The following MCTP2 variants were observed in gnomAD, a reference collection of about 807,000 sequenced individuals.
MCTP2 encodes multiple C2 and transmembrane domain containing 2.
In MCTP2, 132 loss-of-function variants were observed where a neutral mutation model predicts 111.6. The observed-to-expected ratio is 1.18, with a 90% CI of 1.03 to 1.37. MCTP2 has a LOEUF of 1.37. Ranked by LOEUF, MCTP2 falls within the 40% of genes most tolerant of loss-of-function variation. The probability of loss-of-function intolerance (pLI) is 0.00; values close to 1 mark genes in which losing one functional copy is unlikely to be tolerated. For missense variants in MCTP2, 1,183 were observed against 1,067.9 expected (o/e 1.11, Z -1.50); for synonymous variants, 395 against 387.7 (o/e 1.02, Z -0.22).
At chr15:94,248,149 G>T (rs2072151307) in intron 1 of MCTP2, among the ~76,000 whole-genome samples, 1 of 152,158 alleles carries the variant, frequency 6.6e-6, no homozygotes, top group African/African-American at 2.4e-5. Flanking sequence ...ACTTGTTAAG[G>T]AGGTGATTCC....
intron 1 of MCTP2, among the ~76,000 whole-genome samples, chr15:94,294,808 C>T (rs567100198): frequency 5.0e-4 from 76 of 152,254 alleles, no homozygotes; most frequent in African/African-American, 1.8e-3. Flanking sequence ...TGCACAGTAA[C>T]ACCAGGGAGA....
chr15:94,335,662 T>A (rs1370413998), intron 4 of MCTP2, among the ~76,000 whole-genome samples: 1 of 152,272 alleles, frequency 6.6e-6, no homozygotes, highest in African/African-American at 2.4e-5. Flanking sequence ...TAGTATTGTT[T>A]GTACTAGTTA....
chr15:94,245,403 TA>T (rs2071821856), intron 1 of MCTP2, among the ~76,000 whole-genome samples: 1 of 55,424 alleles, frequency 1.8e-5, no homozygotes, highest in Non-Finnish European at 4.7e-5. Context: ...TACATGTGTG[TA>T]TATATTTATA....
At chr15:94,410,612 T>C (rs1330105323) in intron 17 of MCTP2, among the ~76,000 whole-genome samples, 3 of 152,210 alleles carry the variant, frequency 2.0e-5, no homozygotes, top group Admixed American at 2.0e-4. Context: ...TCATGTGTTA[T>C]ATAGTTATGC....
At chr15:94,253,817 A>C (rs2072596312) in intron 1 of MCTP2, among the ~76,000 whole-genome samples, 1 of 152,060 alleles carries the variant, frequency 6.6e-6, no homozygotes, top group Non-Finnish European at 1.5e-5. Flanking sequence ...CACAAGTGTA[A>C]CCATTAAACT....
intron 6 of MCTP2, 38 bp from the exon 7 acceptor site, chr15:94,340,775 A>G (rs2077595959): frequency 2.3e-6 from 3 of 1,313,492 alleles, no homozygotes. Flanking sequence ...CAGTCCTGTC[A>G]ATAAGTGGTA....
chr15:94,288,635 A>T (rs1354100860), intron 1 of MCTP2, among the ~76,000 whole-genome samples: 2 of 152,376 alleles, frequency 1.3e-5, no homozygotes, highest in African/African-American at 4.8e-5. Context: ...CAAAATGTCC[A>T]AGGTATAATT....
intron 4 of MCTP2, 27 bp from the exon 5 acceptor site, chr15:94,339,263 C>G: frequency 6.5e-7 from 1 of 1,539,958 alleles, no homozygotes; most frequent in Non-Finnish European, 8.8e-7. Context: ...TTTTAAAATT[C>G]TGTCTTGTTT....
chr15:94,476,170 A>G (rs1255910725), intron 21 of MCTP2, among the ~76,000 whole-genome samples: 2 of 152,142 alleles, frequency 1.3e-5, no homozygotes, highest in Non-Finnish European at 2.9e-5. Flanking sequence ...TTTTCTTTGT[A>G]ACAACAAGAA....
At chr15:94,401,769 C>A in intron 16 of MCTP2, 131 bp from the exon 17 acceptor site, 1 of 587,418 alleles carries the variant, frequency 1.7e-6, no homozygotes, top group Non-Finnish European at 2.7e-6. Flanking sequence ...AGGTCTTCTC[C>A]TTTCTATTAT....
intron 1 of MCTP2, among the ~76,000 whole-genome samples, chr15:94,249,014 A>C (rs2072215434): frequency 6.6e-6 from 1 of 152,200 alleles, no homozygotes; most frequent in Admixed American, 6.5e-5. Context: ...AATGCTATTG[A>C]AGCGCTTGTG....
At chr15:94,455,478 G>A (rs293574) in intron 19 of MCTP2, among the ~76,000 whole-genome samples, 9,293 of 151,458 alleles carry the variant, frequency 0.061, 388 homozygotes, top group East Asian at 0.14. Flanking sequence ...TCGCTCTGTC[G>A]CCAGGCTCGA....
chr15:94,459,666 T>A (rs1008132451), intron 20 of MCTP2, among the ~76,000 whole-genome samples: 40 of 152,214 alleles, frequency 2.6e-4, no homozygotes, highest in African/African-American at 9.7e-4. Flanking sequence ...TATAAACATA[T>A]TTGAAAGCAA....
At position 94,482,149 on chromosome 15, in the gene MCTP2, A is replaced by G. The variant is rs554458009; in HGVS notation, c.*3115A>G. On this transcript the variant is annotated 3_prime_UTR_variant, in exon 23 of 23. Transcript: ENST00000357742. ...CCGATAATTTTCTGGAACAAAACAG[A>G]CTACATTCCCTTGGTAAAGCCAGAC... 11 of 152,198 alleles carry G rather than the reference A, an allele frequency of 7.2e-5. No homozygotes were observed. Among genetic ancestry groups the G allele is most frequent in the Non-Finnish European group, 1.6e-4 (11 of 68,032 alleles). 9.4% of individuals were successfully genotyped at this position (152,198 alleles called of 1,614,324 possible).
chr15:94,431,709 AC>A (rs1208118362), intron 17 of MCTP2, among the ~76,000 whole-genome samples: 2 of 152,170 alleles, frequency 1.3e-5, no homozygotes, highest in African/African-American at 4.8e-5. Context: ...TTTTTTTTGA[AC>A]AGAATTAACA....
chr15:94,360,906 A>G (rs2152428878), intron 10 of MCTP2, among the ~76,000 whole-genome samples: 1 of 151,432 alleles, frequency 6.6e-6, no homozygotes, highest in Admixed American at 6.6e-5. Context: ...ACAAAAGATA[A>G]CAAAAGTATC....
At chr15:94,478,879 T>C (rs963127631) in intron 22 of MCTP2, 87 bp from the exon 23 acceptor site, 2 of 1,119,034 alleles carry the variant, frequency 1.8e-6, no homozygotes, top group African/African-American at 3.1e-5. Flanking sequence ...TTCCTTTGCC[T>C]TCGGTTGTCC....
At chr15:94,245,666 G>T (rs1477300915) in intron 1 of MCTP2, among the ~76,000 whole-genome samples, 1 of 144,936 alleles carries the variant, frequency 6.9e-6, no homozygotes, top group African/African-American at 2.5e-5. Flanking sequence ...ATGTAAATGT[G>T]TATATACATA....
At chr15:94,447,061 A>G (rs1398802403) in intron 19 of MCTP2, among the ~76,000 whole-genome samples, 4 of 152,338 alleles carry the variant, frequency 2.6e-5, no homozygotes, top group South Asian at 2.1e-4. Flanking sequence ...AGTACAGTTT[A>G]AACCATTAAT....
Sources: allele counts gnomAD v4.1 joint callset (sites outside exome capture counted in the v4.1 genomes callset), GRCh38; gene constraint gnomAD v4.1.1; transcripts MANE v1.5; gene names NCBI Gene and HGNC (gene_info 2026-07-23, HGNC 2026-07-21).